Variants in CA10 observed in about 807,000 individuals in gnomAD.
CA10 encodes carbonic anhydrase 10 (inactive).
Under a neutral mutation model 44.2 loss-of-function variants are expected in CA10, and 14 were observed. The observed-to-expected ratio is 0.32, with a 90% CI of 0.21 to 0.50. CA10 has a LOEUF of 0.50. CA10 is among the 20% of genes least tolerant of loss of function. The pLI, the probability that CA10 is intolerant of heterozygous loss-of-function variation, is 0.99. For synonymous variants in CA10, 159 were observed against 141.6 expected (o/e 1.12, Z -0.87); for missense variants, 350 against 409.7 (o/e 0.85, Z 1.26).
intron 2 of CA10, among the ~76,000 whole-genome samples, chr17:52,044,138 C>T (rs1042501432): frequency 6.6e-6 from 1 of 151,978 alleles, no homozygotes; most frequent in African/African-American, 2.4e-5. Flanking sequence ...GGTATTAATT[C>T]GTCTTTAAAT....
intron 3 of CA10, among the ~76,000 whole-genome samples, chr17:51,884,382 T>G (rs993669851): frequency 6.6e-6 from 1 of 152,108 alleles, no homozygotes; most frequent in Non-Finnish European, 1.5e-5. Flanking sequence ...ACTCCTCCAC[T>G]CTCCCTCTCC....
chr17:51,831,852 T>C (rs543120096), intron 3 of CA10, among the ~76,000 whole-genome samples: 1 of 152,200 alleles, frequency 6.6e-6, no homozygotes, highest in South Asian at 2.1e-4. Flanking sequence ...AGACCAACCA[T>C]GCTTTATTAC....
At chr17:51,675,489 C>G (rs1194469467) in intron 4 of CA10, among the ~76,000 whole-genome samples, 1 of 148,610 alleles carries the variant, frequency 6.7e-6, no homozygotes, top group Admixed American at 6.8e-5. Flanking sequence ...GCAGAGGTTG[C>G]AGTGAGCTGA....
At chr17:51,743,589 C>A (rs544686887) in intron 4 of CA10, among the ~76,000 whole-genome samples, 4 of 152,274 alleles carry the variant, frequency 2.6e-5, no homozygotes, top group Non-Finnish European at 5.9e-5. Context: ...CAAATGATTA[C>A]CATCAATTAC....
chr17:51,775,461 G>A (rs1020961681), intron 3 of CA10, among the ~76,000 whole-genome samples: 2 of 152,120 alleles, frequency 1.3e-5, no homozygotes, highest in East Asian at 1.9e-4. Flanking sequence ...GTACAAGGGG[G>A]GTGGGTAGGG....
Position 52,072,307 on chromosome 17 carries a change from A to T in CA10, c.136+12T>A. ...TTTTAATAAATAAATTAAAGAATTA[A>T]TGTGTACTTACCTGGAACAAAGCTT... On this transcript the variant is annotated intron_variant, in intron 2 of 8. Coordinates refer to ENST00000451037, the MANE Select transcript of CA10 (RefSeq NM_020178.5). 6.4e-7 allele frequency: 1 copy of T among 1,551,716 alleles called. No individual in the cohort carries two copies.
intron 1 of CA10, among the ~76,000 whole-genome samples, chr17:52,100,066 G>A (rs979463419): frequency 2.6e-5 from 4 of 152,148 alleles, no homozygotes; most frequent in Non-Finnish European, 4.4e-5. Context: ...TTATGTGAAC[G>A]GAGTGAAGAG....
At chr17:51,665,502 T>C (rs1323853244) in intron 4 of CA10, among the ~76,000 whole-genome samples, 5 of 152,114 alleles carry the variant, frequency 3.3e-5, no homozygotes, top group African/African-American at 4.8e-5. Flanking sequence ...CTCTTGAGTT[T>C]CCATCAAAGT....
chr17:51,922,963 A>G (rs771710688), intron 3 of CA10, among the ~76,000 whole-genome samples: 12 of 152,206 alleles, frequency 7.9e-5, no homozygotes, highest in Non-Finnish European at 1.6e-4. Context: ...TGGAAAGGAT[A>G]TAATTGATAT....
intron 2 of CA10, among the ~76,000 whole-genome samples, chr17:52,071,539 G>A (rs1205626959): frequency 6.6e-6 from 1 of 152,182 alleles, no homozygotes; most frequent in Non-Finnish European, 1.5e-5. Flanking sequence ...GACCTCAACT[G>A]ACATCTCCAG....
chr17:51,952,276 T>A (rs534468745), intron 2 of CA10, among the ~76,000 whole-genome samples: 1 of 152,310 alleles, frequency 6.6e-6, no homozygotes, highest in East Asian at 1.9e-4. Flanking sequence ...AGAACTTTAC[T>A]GTCTCACAGT....
At chr17:52,110,076 C>T (rs1023236157) in intron 1 of CA10, among the ~76,000 whole-genome samples, 6 of 152,314 alleles carry the variant, frequency 3.9e-5, no homozygotes, top group African/African-American at 1.4e-4. Flanking sequence ...CCAGACTAGA[C>T]ACCGGCATGA....
rs548901295 is a variant in CA10, at chr17:51,785,622, A to T, written c.280-37804T>A. 1.3e-5 allele frequency among the ~76,000 whole-genome samples: 2 copies of T among 152,228 alleles called. 1 individual carries two copies. Among genetic ancestry groups the T allele is most frequent in the African/African-American group, 4.8e-5 (2 of 41,558 alleles). ...AACAGTTTGGAGGTTCCTCAATAAAAACCAAAAATAGAGTACCCTTTGTTC... is the reference window on the plus strand; with the variant it reads ...AACAGTTTGGAGGTTCCTCAATAAATACCAAAAATAGAGTACCCTTTGTTC... On this transcript the variant is annotated intron_variant, in intron 3 of 8. Transcript: ENST00000451037.
intron 1 of CA10, among the ~76,000 whole-genome samples, chr17:52,111,693 GC>G (rs1432885830): frequency 1.0e-3 from 155 of 152,234 alleles, no homozygotes; most frequent in African/African-American, 3.7e-3. Flanking sequence ...ATGGAGGAAA[GC>G]TTTTTGTAAA....
At chr17:52,016,994 C>T (rs1047330247) in intron 2 of CA10, among the ~76,000 whole-genome samples, 2 of 152,242 alleles carry the variant, frequency 1.3e-5, no homozygotes, top group African/African-American at 4.8e-5. Flanking sequence ...ATTTGACCAG[C>T]TTCTCCTTTG....
At chr17:51,955,124 G>A (rs1164852822) in intron 2 of CA10, among the ~76,000 whole-genome samples, 1 of 152,042 alleles carries the variant, frequency 6.6e-6, no homozygotes, top group Admixed American at 6.6e-5. Context: ...AGTACTGAAA[G>A]GAATAGAGTG....
At chr17:51,824,959 T>C in intron 3 of CA10, among the ~76,000 whole-genome samples, 1 of 152,272 alleles carries the variant, frequency 6.6e-6, no homozygotes, top group East Asian at 1.9e-4. Flanking sequence ...GGTTTGTTAG[T>C]ACCACTGTCT....
intron 3 of CA10, among the ~76,000 whole-genome samples, chr17:51,858,940 G>A (rs748583957): frequency 1.1e-4 from 16 of 151,728 alleles, no homozygotes; most frequent in Admixed American, 2.0e-4. Flanking sequence ...TCAAAGTCTC[G>A]GTGTTCCCAT....
chr17:52,040,145 CTTTTTTTT>C (rs200635464), intron 2 of CA10, among the ~76,000 whole-genome samples: 1 of 139,056 alleles, frequency 7.2e-6, no homozygotes, highest in African/African-American at 2.6e-5. Context: ...TCTTTTTTTT[CTTTTTTTT>C]TTTTTTGGAG....
Sources: gnomAD v4.1 joint callset for allele counts (sites outside exome capture counted in the v4.1 genomes callset) on GRCh38, gnomAD v4.1.1 for gene constraint, MANE v1.5 for transcripts, NCBI Gene and HGNC (gene_info 2026-07-23, HGNC 2026-07-21) for gene names.